The following SLC36A3 variants were observed in gnomAD, a reference collection of about 807,000 sequenced individuals.
The protein encoded by SLC36A3 is solute carrier family 36 member 3.
A neutral mutation model predicts 44.3 loss-of-function variants in SLC36A3; 35 were observed. The ratio of observed to expected loss-of-function variants is 0.79; its 90% CI spans 0.60 to 1.05. The LOEUF is 1.05. Ranked by LOEUF, SLC36A3 falls within the 50% of genes least tolerant of loss-of-function variation. The pLI is 0.00. For missense variants in SLC36A3, 540 were observed against 578.7 expected, an observed-to-expected ratio of 0.93 and a Z score of 0.69; for synonymous variants, 211 against 227.6, an observed-to-expected ratio of 0.93 and a Z score of 0.66.
rs1378459185 is a variant in SLC36A3 at position 151,299,254 on chromosome 5, CTCTCTCTCTCTATATATATA to C, written c.129-591_129-572del. On this transcript the variant is annotated intron_variant, in intron 1 of 9. Transcript: ENST00000335230. The stretch of plus-strand genomic sequence containing the variant: ...TCTCTCTCTCTCTCTCTCTCTCTCT[CTCTCTCTCTCTATATATATA>C]TATATATATATATATATGAAATGAG... 7.1e-3 allele frequency among the ~76,000 whole-genome samples: 615 copies of C among 87,134 alleles called. 7 individuals carry two copies. Among genetic ancestry groups the C allele is most frequent in the African/African-American group, 0.026 (570 of 21,840 alleles). 57.2% of individuals were successfully genotyped at this position (87,134 alleles called of 152,430 possible). A position where few individuals can be genotyped will look rare whatever the true frequency, so the allele number is the denominator to read the frequency against.
Position 151,277,409 on chromosome 5 carries a change from G to A in SLC36A3, c.1397C>T (p.Thr466Ile), listed in dbSNP as rs376917179. The change falls in exon 10 of 10, where the codon ACA becomes ATA. Residue 466 changes from threonine (T) to isoleucine (I), a missense_variant. Thr to Ile is a moderately conservative substitution (Grantham distance 89). Coordinates refer to ENST00000335230, the MANE Select transcript of SLC36A3 (RefSeq NM_181774.4). Reference protein sequence around the residue: ...QPISHSMANSTGVHA With the variant: ...QPISHSMANSIGVHA Reference sequence around the variant, plus strand: ...AACAGATAATTATGCATGGACACCTGTGGAGTTGGCCATGGAATGGCTGAT... The same window carrying A: ...AACAGATAATTATGCATGGACACCTATGGAGTTGGCCATGGAATGGCTGAT... 7.4e-6 allele frequency: 12 copies of A among 1,614,078 alleles called. No individual in the cohort carries two copies. Among genetic ancestry groups the A allele is most frequent in the Non-Finnish European group, 9.3e-6 (11 of 1,180,036 alleles).
intron 8 of SLC36A3, 65 bp downstream of exon 8, chr5:151,283,979 C>T (rs1754430263): frequency 2.1e-5 from 32 of 1,524,494 alleles, no homozygotes; most frequent in East Asian, 1.6e-4. Flanking sequence ...GCTGTGCTCT[C>T]TGCTATGACA....
chr5:151,281,679 G>A (rs986092762), intron 8 of SLC36A3, among the ~76,000 whole-genome samples: 7 of 152,078 alleles, frequency 4.6e-5, no homozygotes, highest in South Asian at 2.1e-4. Flanking sequence ...TTAGCTGGGC[G>A]TGGTGGCATG....
chr5:151,299,289 T>C (rs1755088196), intron 1 of SLC36A3, among the ~76,000 whole-genome samples: 2 of 137,788 alleles, frequency 1.5e-5, no homozygotes, highest in African/African-American at 5.6e-5. Flanking sequence ...TATATATATA[T>C]ATGAAATGAG....
intron 1 of SLC36A3, among the ~76,000 whole-genome samples, chr5:151,299,389 ATATAT>A (rs754169073): frequency 0.028 from 3,994 of 143,780 alleles, 88 homozygotes; most frequent in Non-Finnish European, 0.039. Flanking sequence ...ATATATATAT[ATATAT>A]TATATATATA....
intron 2 of SLC36A3, chr5:151,298,334 T>G: frequency 7.3e-6 from 3 of 410,708 alleles, no homozygotes; most frequent in South Asian, 3.7e-5. Context: ...ATCCTAGGAG[T>G]GGGGAGGACT....
chr5:151,296,693 C>T, intron 2 of SLC36A3: 1 of 166,404 alleles, frequency 6.0e-6, no homozygotes, highest in East Asian at 1.8e-4. Flanking sequence ...GCCCTATTGA[C>T]ATTTTGGGGC....
chr5:151,287,055 CAAT>C (rs1245422062), intron 6 of SLC36A3, among the ~76,000 whole-genome samples, 188 bp downstream of exon 6: 2 of 152,060 alleles, frequency 1.3e-5, no homozygotes, highest in African/African-American at 4.8e-5. Flanking sequence ...ATGTTGATGA[CAAT>C]GATGATGATA....
At chr5:151,299,289 T>TATATATATATATAC (rs1755088541) in intron 1 of SLC36A3, among the ~76,000 whole-genome samples, 1 of 137,792 alleles carries the variant, frequency 7.3e-6, no homozygotes, top group Non-Finnish European at 1.5e-5. Flanking sequence ...TATATATATA[T>TATATATATATATAC]ATGAAATGAG....
intron 4 of SLC36A3, among the ~76,000 whole-genome samples, chr5:151,291,977 C>CA (rs57685173): frequency 0.026 from 3,977 of 152,264 alleles, 171 homozygotes; most frequent in African/African-American, 0.089. Context: ...TCTCCTGCCT[C>CA]AGTCTCCTGA....
chr5:151,299,508 AG>A, intron 1 of SLC36A3, among the ~76,000 whole-genome samples: 1 of 152,006 alleles, frequency 6.6e-6, no homozygotes, highest in South Asian at 2.1e-4. Context: ...GCAGGGTGCT[AG>A]GGCCTAGGGT....
chr5:151,302,298 T>G (rs1043507756), intron 1 of SLC36A3, among the ~76,000 whole-genome samples: 5 of 152,220 alleles, frequency 3.3e-5, no homozygotes, highest in South Asian at 2.1e-4. Flanking sequence ...TTATCAACAC[T>G]GGGGATTGTC....
rs1386662051 is a variant in SLC36A3, at chr5:151,298,473, T to A, written c.219+120A>T. 3 of 946,512 alleles carry A rather than the reference T, an allele frequency of 3.2e-6. No homozygotes were observed. The African/African-American group carries it at 4.9e-5, about 16-fold the overall frequency. 58.6% of individuals were successfully genotyped at this position (946,512 alleles called of 1,614,324 possible). A position where few individuals can be genotyped will look rare whatever the true frequency, so the allele number is the denominator to read the frequency against. On this transcript the variant is annotated intron_variant, in intron 2 of 9. Transcript: ENST00000335230. Reference sequence around the variant, plus strand: ...CAGGGGATTGATGCCAACAGGCACATTTTCAATTGCAGAGGGTACCCCCAA... The same window carrying A: ...CAGGGGATTGATGCCAACAGGCACAATTTCAATTGCAGAGGGTACCCCCAA...
In SLC36A3 at chr5:151,287,420, C is replaced by T; in HGVS notation, c.534G>A (p.Arg178=). 1 of 1,614,110 alleles carries T rather than the reference C, an allele frequency of 6.2e-7. No individual in the cohort carries two copies. Among genetic ancestry groups the T allele is most frequent in the Non-Finnish European group, 8.5e-7 (1 of 1,180,004 alleles). ...GGATGGGGGTCAGCGTCAGAATCTC[C>T]CTGGGCTGGCAGATGTTGGAGGTCA... ...AHVTSNICQP[R]EILTLTPILD... is the part of the protein sequence containing the mutation. The change falls in exon 6 of 10, where the codon AGG becomes AGA. Residue 178 remains arginine, a synonymous_variant. Coordinates refer to ENST00000335230, the MANE Select transcript of SLC36A3 (RefSeq NM_181774.4).
chr5:151,300,363 A>G (rs1238682549), intron 1 of SLC36A3, among the ~76,000 whole-genome samples: 1 of 152,236 alleles, frequency 6.6e-6, no homozygotes, highest in African/African-American at 2.4e-5. Context: ...ACTTCAGTCT[A>G]TTGAGTGAAG....
intron 1 of SLC36A3, among the ~76,000 whole-genome samples, chr5:151,299,280 A>C (rs1225452000): frequency 2.3e-4 from 32 of 141,628 alleles, no homozygotes; most frequent in African/African-American, 7.7e-4. Context: ...ATATATATAT[A>C]TATATATATA....
intron 1 of SLC36A3, 33 bp downstream of exon 1, chr5:151,303,194 C>T (rs891994496): frequency 2.5e-6 from 4 of 1,596,626 alleles, no homozygotes; most frequent in Non-Finnish European, 2.6e-6. Flanking sequence ...CAGTGCTTGA[C>T]CTCAGGCCTG....
chr5:151,286,844 T>C (rs1182480889), intron 6 of SLC36A3, among the ~76,000 whole-genome samples: 1 of 152,190 alleles, frequency 6.6e-6, no homozygotes, highest in African/African-American at 2.4e-5. Context: ...CATCTACCAC[T>C]TTTACAATTT....
chr5:151,299,653 G>A lies in SLC36A3; in HGVS notation c.129-970C>T, dbSNP rs145132817. Among the ~76,000 whole-genome samples the A allele has an allele frequency of 9.4e-4, 143 of 152,224 alleles. 1 individual carries two copies. The East Asian group carries it at 0.011, about 12-fold the overall frequency. On this transcript the variant is annotated intron_variant, in intron 1 of 9. Coordinates refer to ENST00000335230, the MANE Select transcript of SLC36A3 (RefSeq NM_181774.4). ...AGGAACTTAAATAAAAAGTACATGC[G>A]TAAGCATTGAACCCAGAGATGGGAG...
Sources: allele counts gnomAD v4.1 joint callset (sites outside exome capture counted in the v4.1 genomes callset), GRCh38; gene constraint gnomAD v4.1.1; transcripts MANE v1.5; gene names NCBI Gene and HGNC (gene_info 2026-07-23, HGNC 2026-07-21).